Variants in HFM1 observed in about 807,000 individuals in gnomAD.
HFM1 encodes probable ATP-dependent DNA helicase HFM1.
A neutral mutation model predicts 192.1 loss-of-function variants in HFM1; 169 were observed. That is an observed-to-expected ratio of 0.88 (90% confidence interval 0.78 to 1.00). The LOEUF is 1.00. Among genes scored for constraint, HFM1 ranks in the 50% least tolerant of loss-of-function variants. The probability of loss-of-function intolerance (pLI) is 0.00; values close to 1 mark genes in which losing one functional copy is unlikely to be tolerated. For missense variants in HFM1, 1,661 were observed against 1,668.0 expected (o/e 1.00, Z 0.07); for synonymous variants, 525 against 537.8 (o/e 0.98, Z 0.33).
In HFM1 at chr1:91,269,270, G is replaced by A. The variant is rs915068031; in HGVS notation, c.3773-1415C>T. Among the ~76,000 whole-genome samples, 3 of 151,986 alleles carry A rather than the reference G, an allele frequency of 2.0e-5. No individual in the cohort carries two copies. In the South Asian group the frequency reaches 6.2e-4, roughly 32 times the overall value. ...TTCTACCATATGGATAAATAATCTC[G>A]AGAACACAGATAAGAGTAAAATGCA... is the stretch of plus-strand genomic sequence containing the variant. On this transcript the variant is annotated intron_variant, in intron 34 of 38. Coordinates refer to ENST00000370425, the MANE Select transcript of HFM1 (RefSeq NM_001017975.6).
At chr1:91,392,941 TGTTA>T (rs1484150502) in intron 4 of HFM1, among the ~76,000 whole-genome samples, 1 of 152,148 alleles carries the variant, frequency 6.6e-6, no homozygotes, top group African/African-American at 2.4e-5. Flanking sequence ...GAAGAGTAAC[TGTTA>T]ATTAGTAAGG....
chr1:91,384,831 C>T (rs944710855), intron 6 of HFM1, among the ~76,000 whole-genome samples: 1 of 151,838 alleles, frequency 6.6e-6, no homozygotes, highest in African/African-American at 2.4e-5. Context: ...GCAACCTCTG[C>T]CTCCCAGGTT....
intron 20 of HFM1, chr1:91,328,330 G>A (rs912148125): frequency 1.3e-6 from 2 of 1,496,162 alleles, no homozygotes; most frequent in African/African-American, 1.4e-5. Context: ...TCAAGCTTTA[G>A]CCGCCGAGGC....
chr1:91,301,010 T>C (rs12752894), intron 30 of HFM1, among the ~76,000 whole-genome samples: 4 of 151,982 alleles, frequency 2.6e-5, no homozygotes, highest in Non-Finnish European at 5.9e-5. Context: ...TGTTTGCAGA[T>C]GACATGATTG....
At chr1:91,287,218 A>T (rs1280117595) in intron 30 of HFM1, among the ~76,000 whole-genome samples, 1 of 152,216 alleles carries the variant, frequency 6.6e-6, no homozygotes, top group Non-Finnish European at 1.5e-5. Context: ...GCGCACAGGC[A>T]AACAAAAAGA....
At chr1:91,383,832 T>G (rs1056620575) in intron 6 of HFM1, among the ~76,000 whole-genome samples, 1 of 152,106 alleles carries the variant, frequency 6.6e-6, no homozygotes, top group Non-Finnish European at 1.5e-5. Context: ...AAAAAAGAAG[T>G]AACTATGAGA....
At position 91,394,335 on chromosome 1, in the gene HFM1, A is replaced by C; in HGVS notation, c.252T>G (p.Ile84Met). ...LKITNEDTNY[I>M]SLTQKFQFAF... is the part of the protein sequence containing the mutation. ...CAAACTGGAATTTTTGTGTTAGTGA[A>C]ATATAATTTGTATCTTCATTAGTTA... Residue 84 changes from isoleucine (I) to methionine (M), a missense_variant, in exon 4 of 39, where the codon ATT becomes ATG. By Grantham distance (10) the Ile-to-Met change is conservative. Coordinates refer to ENST00000370425, the MANE Select transcript of HFM1 (RefSeq NM_001017975.6). 6.3e-7 allele frequency: 1 copy of C among 1,580,848 alleles called. No homozygotes were observed. Among genetic ancestry groups the C allele is most frequent in the Middle Eastern group, 1.7e-4 (1 of 5,972 alleles).
chr1:91,397,531 C>A (rs2102180408), intron 2 of HFM1, among the ~76,000 whole-genome samples: 1 of 152,310 alleles, frequency 6.6e-6, no homozygotes, highest in Middle Eastern at 3.4e-3. Flanking sequence ...GAAACTCAGT[C>A]TTTTACTTTT....
intron 30 of HFM1, among the ~76,000 whole-genome samples, chr1:91,305,234 T>C (rs1282048722): frequency 6.6e-6 from 1 of 152,242 alleles, no homozygotes; most frequent in Non-Finnish European, 1.5e-5. Flanking sequence ...ATACAGACTT[T>C]GTTGAATTTA....
At chr1:91,377,234 T>G (rs570255515) in intron 11 of HFM1, among the ~76,000 whole-genome samples, 1 of 152,062 alleles carries the variant, frequency 6.6e-6, no homozygotes, top group East Asian at 1.9e-4. Flanking sequence ...TTCTATATTA[T>G]TCTTGAAAAA....
At chr1:91,361,478 A>G (rs1188919335) in intron 13 of HFM1, among the ~76,000 whole-genome samples, 1 of 152,164 alleles carries the variant, frequency 6.6e-6, no homozygotes, top group Non-Finnish European at 1.5e-5. Flanking sequence ...TCCTGGACAC[A>G]CACTCTCTTC....
At chr1:91,316,344 T>C (rs894676099) in intron 26 of HFM1, 47 bp downstream of exon 26, 1 of 1,165,264 alleles carries the variant, frequency 8.6e-7, no homozygotes, top group Non-Finnish European at 1.2e-6. Context: ...GAAATAAAGG[T>C]AGGCCTCAGA....
At chr1:91,324,802 A>T in intron 20 of HFM1, 36 bp from the exon 21 acceptor site, 1 of 1,100,056 alleles carries the variant, frequency 9.1e-7, no homozygotes. Flanking sequence ...CGGTCCCCTC[A>T]TCAGCTGAAC....
At chr1:91,262,130 T>C in intron 38 of HFM1, 111 bp downstream of exon 38, 1 of 513,240 alleles carries the variant, frequency 1.9e-6, no homozygotes, top group East Asian at 3.3e-5. Context: ...CTTTAATAAA[T>C]GAAATGTTCA....
At chr1:91,263,066 C>T (rs562757132) in intron 36 of HFM1, among the ~76,000 whole-genome samples, 1 of 152,066 alleles carries the variant, frequency 6.6e-6, no homozygotes, top group African/African-American at 2.4e-5. Context: ...CTATTATATG[C>T]CAGATATTGT....
At chr1:91,299,704 A>C (rs1441423154) in intron 30 of HFM1, among the ~76,000 whole-genome samples, 1 of 152,228 alleles carries the variant, frequency 6.6e-6, no homozygotes, top group African/African-American at 2.4e-5. Flanking sequence ...TAACGAAATG[A>C]AGGCAGAAAT....
intron 11 of HFM1, chr1:91,377,488 T>C (rs1661041572): frequency 1.3e-5 from 2 of 152,060 alleles, no homozygotes; most frequent in Admixed American, 1.3e-4. Flanking sequence ...AATTAAGTCA[T>C]ATATTCATTA....
chr1:91,396,968 A>C (rs1448803676), intron 2 of HFM1, among the ~76,000 whole-genome samples: 2 of 152,198 alleles, frequency 1.3e-5, no homozygotes. Context: ...AGATTCTCAC[A>C]GGAGTGCGAG....
At chr1:91,364,627 TATATA>T (rs200124220) in intron 13 of HFM1, among the ~76,000 whole-genome samples, 2 of 46,650 alleles carry the variant, frequency 4.3e-5, no homozygotes, top group Non-Finnish European at 8.9e-5. Context: ...TATATATATA[TATATA>T]TTTTTTTTTT....
Sources: gnomAD v4.1 joint callset for allele counts (sites outside exome capture counted in the v4.1 genomes callset) on GRCh38, gnomAD v4.1.1 for gene constraint, MANE v1.5 for transcripts, NCBI Gene and HGNC (gene_info 2026-07-23, HGNC 2026-07-21) for gene names.